IQCM: variants seen among roughly 807,000 people sequenced by gnomAD.
IQCM encodes the protein IQ motif containing M, also known as IQ domain-containing protein M.
IQCM carries 45 observed loss-of-function variants against 57.6 expected under a neutral mutation model. The observed-to-expected ratio is 0.78, with a 90% CI of 0.62 to 1.00. IQCM has a LOEUF of 1.00. IQCM is among the 50% of genes least tolerant of loss of function. The pLI is 0.00. For synonymous variants in IQCM, 148 were observed against 158.9 expected, an observed-to-expected ratio of 0.93 and a Z score of 0.51; for missense variants, 468 against 511.6, an observed-to-expected ratio of 0.91 and a Z score of 0.82.
At chr4:149,734,364 A>C (rs1371773468) in intron 4 of IQCM, among the ~76,000 whole-genome samples, 2 of 152,188 alleles carry the variant, frequency 1.3e-5, no homozygotes, top group Non-Finnish European at 2.9e-5. Flanking sequence ...ACCGTGAAAC[A>C]TTCATCCCAT....
At position 149,637,068 on chromosome 4, in the gene IQCM, G is replaced by T. The variant is rs950408336; in HGVS notation, c.566-15824C>A. Among the ~76,000 whole-genome samples the T allele has an allele frequency of 2.0e-5, 3 of 150,478 alleles. No individual in the cohort carries two copies. In the South Asian group the frequency reaches 6.3e-4, roughly 31 times the overall value. Reference sequence around the variant, plus strand: ...TGAGGCAGGAGAATGGCGTGAACCCGGGAAGCGGAGCTTGCAGTGAGCCGA... The same window carrying T: ...TGAGGCAGGAGAATGGCGTGAACCCTGGAAGCGGAGCTTGCAGTGAGCCGA... On this transcript the variant is annotated intron_variant, in intron 7 of 13. Coordinates refer to ENST00000636793, the MANE Select transcript of IQCM (RefSeq NM_001363507.2).
At chr4:149,382,416 A>T in intron 13 of IQCM, among the ~76,000 whole-genome samples, 1 of 145,152 alleles carries the variant, frequency 6.9e-6, no homozygotes, top group East Asian at 2.1e-4. Flanking sequence ...AAATTTGGGG[A>T]TGTATAGTAA....
At chr4:149,782,593 T>A (rs1412733114) in intron 2 of IQCM, among the ~76,000 whole-genome samples, 3 of 145,702 alleles carry the variant, frequency 2.1e-5, no homozygotes, top group Non-Finnish European at 3.0e-5. Context: ...AGAGCAAGAG[T>A]CTGTCTCAAA....
intron 12 of IQCM, among the ~76,000 whole-genome samples, chr4:149,451,598 G>C (rs1737128111): frequency 6.6e-6 from 1 of 151,654 alleles, no homozygotes; most frequent in South Asian, 2.1e-4. Flanking sequence ...GAAAAAAAGA[G>C]CAATTGATAG....
chr4:149,377,610 C>T (rs1248601644), intron 13 of IQCM, among the ~76,000 whole-genome samples: 1 of 152,060 alleles, frequency 6.6e-6, no homozygotes, highest in Non-Finnish European at 1.5e-5. Context: ...ATGTATATTT[C>T]CAGTCTGAAT....
intron 5 of IQCM, among the ~76,000 whole-genome samples, chr4:149,730,559 T>C (rs1009070209): frequency 1.3e-5 from 2 of 152,206 alleles, no homozygotes; most frequent in African/African-American, 4.8e-5. Flanking sequence ...GTCAAAAACA[T>C]CATAATCACT....
At chr4:149,390,523 A>T (rs572160140) in intron 13 of IQCM, among the ~76,000 whole-genome samples, 1 of 151,966 alleles carries the variant, frequency 6.6e-6, no homozygotes, top group Admixed American at 6.6e-5. Flanking sequence ...GGGAAAAGTA[A>T]TAATTCCTTC....
intron 8 of IQCM, among the ~76,000 whole-genome samples, chr4:149,620,261 G>A (rs894051112): frequency 2.0e-5 from 3 of 152,122 alleles, no homozygotes; most frequent in South Asian, 2.1e-4. Context: ...AGAAACCAAC[G>A]CTGCCAGCAA....
intron 5 of IQCM, among the ~76,000 whole-genome samples, chr4:149,731,579 T>C (rs1766462564): frequency 6.6e-6 from 1 of 152,200 alleles, no homozygotes; most frequent in South Asian, 2.1e-4. Flanking sequence ...CCTCAATATC[T>C]TATCATCTTC....
At chr4:149,664,728 C>A (rs1760547972) in intron 7 of IQCM, among the ~76,000 whole-genome samples, 1 of 152,126 alleles carries the variant, frequency 6.6e-6, no homozygotes, top group South Asian at 2.1e-4. Flanking sequence ...GGGTGCAGGG[C>A]TGCTGCCAGA....
Position 149,583,875 on chromosome 4 carries a change from TA to T in IQCM, c.749+4054del, listed in dbSNP as rs368857632. ...ATAAACTGTTTTTGATATTTTATAT[TA>T]AGGATACTATACTAAAAAAGAGAAA... is the stretch of plus-strand genomic sequence containing the variant. On this transcript the variant is annotated intron_variant, in intron 9 of 13. Coordinates refer to ENST00000636793, the MANE Select transcript of IQCM (RefSeq NM_001363507.2). 7.3e-3 allele frequency among the ~76,000 whole-genome samples: 1,102 copies of T among 151,518 alleles called. 7 individuals are homozygous for T. Among genetic ancestry groups the T allele is most frequent in the South Asian group, 0.036 (172 of 4,820 alleles).
intron 12 of IQCM, among the ~76,000 whole-genome samples, chr4:149,454,512 G>A (rs1226465091): frequency 6.6e-6 from 1 of 151,736 alleles, no homozygotes; most frequent in African/African-American, 2.4e-5. Flanking sequence ...TACCTATCAG[G>A]TACTATGCTT....
intron 13 of IQCM, among the ~76,000 whole-genome samples, chr4:149,422,122 G>A (rs1434427620): frequency 5.3e-5 from 8 of 151,732 alleles, no homozygotes; most frequent in Non-Finnish European, 1.2e-4. Context: ...TTCTCCCCTA[G>A]GGATAATAAT....
intron 5 of IQCM, among the ~76,000 whole-genome samples, chr4:149,707,589 A>G (rs562825623): frequency 6.6e-6 from 1 of 152,132 alleles, no homozygotes; most frequent in Admixed American, 6.6e-5. Context: ...AGACTCCCCA[A>G]GCTCACATCT....
At chr4:149,567,282 T>C (rs550666117) in intron 9 of IQCM, among the ~76,000 whole-genome samples, 1 of 152,292 alleles carries the variant, frequency 6.6e-6, no homozygotes, top group African/African-American at 2.4e-5. Context: ...CTTCTGTTCA[T>C]GTTTTACTTC....
At chr4:149,579,875 G>A (rs1752015266) in intron 9 of IQCM, among the ~76,000 whole-genome samples, 1 of 151,678 alleles carries the variant, frequency 6.6e-6, no homozygotes, top group African/African-American at 2.4e-5. Flanking sequence ...TATCATCAAG[G>A]GAATTAACTA....
chr4:149,512,231 G>A (rs1240494444), intron 12 of IQCM, among the ~76,000 whole-genome samples: 2 of 152,090 alleles, frequency 1.3e-5, no homozygotes, highest in Non-Finnish European at 2.9e-5. Context: ...GCTTCCCTTG[G>A]AAAGCTTAAG....
At chr4:149,806,219 C>T (rs1311794866) in intron 2 of IQCM, among the ~76,000 whole-genome samples, 2 of 151,686 alleles carry the variant, frequency 1.3e-5, no homozygotes, top group Non-Finnish European at 3.0e-5. Context: ...TCTTTCTTTG[C>T]AGCTCAAATG....
intron 12 of IQCM, among the ~76,000 whole-genome samples, chr4:149,463,931 G>A (rs994559603): frequency 1.3e-5 from 2 of 152,128 alleles, no homozygotes; most frequent in African/African-American, 4.8e-5. Flanking sequence ...AATCCTAGGA[G>A]ATTCAATAAG....
Sources: gnomAD v4.1 joint callset for allele counts (sites outside exome capture counted in the v4.1 genomes callset) on GRCh38, gnomAD v4.1.1 for gene constraint, MANE v1.5 for transcripts, NCBI Gene and HGNC (gene_info 2026-07-23, HGNC 2026-07-21) for gene names.